The following IGSF3 variants were observed in gnomAD, a reference collection of about 807,000 sequenced individuals.
IGSF3 encodes glu-Trp-Ile EWI motif-containing protein 3.
IGSF3 carries 23 observed loss-of-function variants against 114.4 expected under a neutral mutation model. That is an observed-to-expected ratio of 0.20 (90% CI 0.14 to 0.28). The LOEUF (loss-of-function observed/expected upper bound fraction) is 0.28. IGSF3 is among the 10% of genes least tolerant of loss of function. The pLI, the probability that IGSF3 is intolerant of heterozygous loss-of-function variation, is 1.00. For missense variants in IGSF3, 1,172 were observed against 1,591.5 expected (o/e 0.74, Z 4.48); for synonymous variants, 571 against 645.2 (o/e 0.88, Z 1.74).
intron 7 of IGSF3, among the ~76,000 whole-genome samples, chr1:116,590,259 C>G (rs1366262098): frequency 6.6e-6 from 1 of 152,004 alleles, no homozygotes; most frequent in Non-Finnish European, 1.5e-5. Flanking sequence ...TGGCAAGAAG[C>G]CAAGGTCTAA....
In IGSF3 at chr1:116,584,250, T is replaced by C. The variant is rs1215281579; in HGVS notation, c.2848+395A>G. ...AGTGAAGGCTGCACACAATTCATTGTTTTCTATTTAAAGCATGTAAATCGA... is the reference window on the plus strand; with the variant it reads ...AGTGAAGGCTGCACACAATTCATTGCTTTCTATTTAAAGCATGTAAATCGA... On this transcript the variant is annotated intron_variant, in intron 9 of 10. Transcript: ENST00000369486. This position sits in a 1 kb window ranked among gnomAD's most constrained non-coding sequence, Gnocchi z 5.8. Among the ~76,000 whole-genome samples, 4 of 152,140 alleles carry C rather than the reference T, an allele frequency of 2.6e-5. No homozygotes were observed. Among genetic ancestry groups the C allele is most frequent in the Admixed American group, 2.6e-4 (4 of 15,278 alleles).
At chr1:116,646,801 T>C (rs1348181592) in intron 2 of IGSF3, 2 of 152,254 alleles carry the variant, frequency 1.3e-5, no homozygotes, top group Non-Finnish European at 2.9e-5. Flanking sequence ...TTTCAAGTGA[T>C]GCTAACTTGC....
rs1468736610 is a variant in IGSF3 at position 116,644,949 on chromosome 1, T to A, written c.43+21335A>T. On this transcript the variant is annotated intron_variant, in intron 2 of 10. Coordinates refer to ENST00000369486, the MANE Select transcript of IGSF3 (RefSeq NM_001007237.3). This position sits in a 1 kb window ranked among gnomAD's most constrained non-coding sequence, Gnocchi z 5.6. ...GGGAGGTAGGATGGTGCAGCCACTT[T>A]GGAAAACAGTCTGGTAGTTTCTTTC... 6.6e-6 allele frequency among the ~76,000 whole-genome samples: 1 copy of A among 152,182 alleles called. No individual in the cohort carries two copies. The highest frequency in any genetic ancestry group is 1.5e-5 in the Non-Finnish European group (1 of 68,030).
rs139816429 is a variant in IGSF3 at position 116,650,235 on chromosome 1, G to T, written c.43+16049C>A. On this transcript the variant is annotated intron_variant, in intron 2 of 10. Coordinates refer to ENST00000369486, the MANE Select transcript of IGSF3 (RefSeq NM_001007237.3). The surrounding 1 kb of genome is among the most constrained non-coding windows in gnomAD (Gnocchi z 5.0). Reference sequence around the variant, plus strand: ...CTTCAACAGTGAGGACAAAATGTATGGAGATTGGACTGTTCAGTCTTCAGG... The same window carrying T: ...CTTCAACAGTGAGGACAAAATGTATTGAGATTGGACTGTTCAGTCTTCAGG... Among the ~76,000 whole-genome samples the T allele has an allele frequency of 4.5e-4, 68 of 152,312 alleles. 1 individual carries two copies. The highest frequency in any genetic ancestry group is 1.6e-3 in the African/African-American group (65 of 41,558).
rs1030875309 is a variant in IGSF3, at chr1:116,633,525, C to T, written c.44-17068G>A. Among the ~76,000 whole-genome samples the T allele has an allele frequency of 2.0e-5, 3 of 152,082 alleles. No homozygotes were observed. Among genetic ancestry groups the T allele is most frequent in the African/African-American group, 7.2e-5 (3 of 41,386 alleles). On this transcript the variant is annotated intron_variant, in intron 2 of 10. Coordinates refer to ENST00000369486, the MANE Select transcript of IGSF3 (RefSeq NM_001007237.3). This position sits in a 1 kb window ranked among gnomAD's most constrained non-coding sequence, Gnocchi z 4.3. ...CCAGTATTGAAAGCCCCTGCATTTCCCTAACTATATATTCCCCTATGCCAT... is the reference window on the plus strand; with the variant it reads ...CCAGTATTGAAAGCCCCTGCATTTCTCTAACTATATATTCCCCTATGCCAT...
In IGSF3 at chr1:116,657,190, G is replaced by C. The variant is rs1276750011; in HGVS notation, c.43+9094C>G. On this transcript the variant is annotated intron_variant, in intron 2 of 10. Transcript: ENST00000369486. This position sits in a 1 kb window ranked among gnomAD's most constrained non-coding sequence, Gnocchi z 4.2. ...AAAAGGAATAGATTGTATCTGGCTGGGATAGGGTAGGTGTGATCTGACCCA... is the reference window on the plus strand; with the variant it reads ...AAAAGGAATAGATTGTATCTGGCTGCGATAGGGTAGGTGTGATCTGACCCA... 6.6e-6 allele frequency among the ~76,000 whole-genome samples: 1 copy of C among 152,132 alleles called. No individual in the cohort carries two copies. Among genetic ancestry groups the C allele is most frequent in the Non-Finnish European group, 1.5e-5 (1 of 68,024 alleles).
rs987979554 is a variant in IGSF3 at position 116,661,392 on chromosome 1, T to C, written c.43+4892A>G. 6.6e-6 allele frequency among the ~76,000 whole-genome samples: 1 copy of C among 152,242 alleles called. No homozygotes were observed. The highest frequency in any genetic ancestry group is 6.5e-5 in the Admixed American group (1 of 15,292). On this transcript the variant is annotated intron_variant, in intron 2 of 10. Coordinates refer to ENST00000369486, the MANE Select transcript of IGSF3 (RefSeq NM_001007237.3). The surrounding 1 kb of genome is among the most constrained non-coding windows in gnomAD (Gnocchi z 4.0). Reference sequence around the variant, plus strand: ...CATGACAGATGGTCTTCAAGAATTTTATACAGAAGGTCATGCTATGTAAAG... The same window carrying C: ...CATGACAGATGGTCTTCAAGAATTTCATACAGAAGGTCATGCTATGTAAAG...
At chr1:116,643,191 CT>C (rs1648185901) in intron 2 of IGSF3, among the ~76,000 whole-genome samples, 1 of 152,172 alleles carries the variant, frequency 6.6e-6, no homozygotes, top group Admixed American at 6.5e-5. Context: ...AGAAAGGAAA[CT>C]GCTATCAACC....
chr1:116,583,941 C>G lies in IGSF3; in HGVS notation c.2848+704G>C, dbSNP rs555055977. Among the ~76,000 whole-genome samples the G allele has an allele frequency of 6.6e-6, 1 of 152,298 alleles. No individual in the cohort carries two copies. Among genetic ancestry groups the G allele is most frequent in the South Asian group, 2.1e-4 (1 of 4,818 alleles). ...GTAGCTCACACCTGTAATCCCACCACTTTGAAAAGCCGAGGCGGTGGTGGG... is the reference window on the plus strand; with the variant it reads ...GTAGCTCACACCTGTAATCCCACCAGTTTGAAAAGCCGAGGCGGTGGTGGG... On this transcript the variant is annotated intron_variant, in intron 9 of 10. Transcript: ENST00000369486. This position sits in a 1 kb window ranked among gnomAD's most constrained non-coding sequence, Gnocchi z 4.5.
At position 116,606,461 on chromosome 1, in the gene IGSF3, T is replaced by A. The variant is rs559787792; in HGVS notation, c.1222+1481A>T. ...TCCAAGGCATTGTCACCATTACCGA[T>A]GTGATTGTTGTTGTTCTTCGGCAGA... On this transcript the variant is annotated intron_variant, in intron 5 of 10. Coordinates refer to ENST00000369486, the MANE Select transcript of IGSF3 (RefSeq NM_001007237.3). 3.1e-6 allele frequency: 5 copies of A among 1,612,506 alleles called. No individual in the cohort carries two copies. The East Asian group carries it at 6.7e-5, about 22-fold the overall frequency.
In IGSF3 at chr1:116,628,005, C is replaced by T. The variant is rs1261108391; in HGVS notation, c.44-11548G>A. Among the ~76,000 whole-genome samples, 1 of 152,206 alleles carries T rather than the reference C, an allele frequency of 6.6e-6. No individual in the cohort carries two copies. Among genetic ancestry groups the T allele is most frequent in the African/African-American group, 2.4e-5 (1 of 41,438 alleles). On this transcript the variant is annotated intron_variant, in intron 2 of 10. Coordinates refer to ENST00000369486, the MANE Select transcript of IGSF3 (RefSeq NM_001007237.3). This position sits in a 1 kb window ranked among gnomAD's most constrained non-coding sequence, Gnocchi z 4.2. The stretch of plus-strand genomic sequence containing the variant: ...ACTCTGCCCAAGGCACTGCTGTGAC[C>T]CTCTCAGCAGTGGAAGCACTAGCCA...
rs1191386394 is a variant in IGSF3 at position 116,665,051 on chromosome 1, C to A, written c.43+1233G>T. Among the ~76,000 whole-genome samples the A allele has an allele frequency of 6.6e-6, 1 of 152,222 alleles. No homozygotes were observed. Among genetic ancestry groups the A allele is most frequent in the East Asian group, 1.9e-4 (1 of 5,206 alleles). The stretch of plus-strand genomic sequence containing the variant: ...TATGAGTTTCAGACATTATTTAAGG[C>A]AGTCAAGGCATTTAGGACACCTTAT... On this transcript the variant is annotated intron_variant, in intron 2 of 10. Transcript: ENST00000369486. The surrounding 1 kb of genome is among the most constrained non-coding windows in gnomAD (Gnocchi z 4.0).
At position 116,616,987 on chromosome 1, in the gene IGSF3, C is replaced by T. The variant is rs1557873638; in HGVS notation, c.44-530G>A. On this transcript the variant is annotated intron_variant, in intron 2 of 10. Transcript: ENST00000369486. This position sits in a 1 kb window ranked among gnomAD's most constrained non-coding sequence, Gnocchi z 6.6. ...TTCCCATGTAGCTGCTCCCCAACAC[C>T]ACCCCAAGGGGCATTCCTTAGTTTC... is the stretch of plus-strand genomic sequence containing the variant. Among the ~76,000 whole-genome samples the T allele has an allele frequency of 6.6e-6, 1 of 152,152 alleles. No individual in the cohort carries two copies. Among genetic ancestry groups the T allele is most frequent in the Non-Finnish European group, 1.5e-5 (1 of 68,026 alleles).
At chr1:116,658,859 T>A (rs1648992512) in intron 2 of IGSF3, among the ~76,000 whole-genome samples, 1 of 152,198 alleles carries the variant, frequency 6.6e-6, no homozygotes, top group Non-Finnish European at 1.5e-5. Context: ...TGTCCTCCTG[T>A]CCATTTGCAA....
intron 10 of IGSF3, among the ~76,000 whole-genome samples, chr1:116,578,219 G>A (rs899509430): frequency 3.3e-5 from 5 of 152,184 alleles, no homozygotes; most frequent in Non-Finnish European, 7.3e-5. Context: ...GCCTCTGGGA[G>A]CCCCTGTTTT....
At chr1:116,656,743 C>G (rs966278298) in intron 2 of IGSF3, among the ~76,000 whole-genome samples, 9 of 152,100 alleles carry the variant, frequency 5.9e-5, no homozygotes, top group South Asian at 2.1e-4. Flanking sequence ...GACTGGCCAA[C>G]ATGGTGAAAC....
chr1:116,606,022 A>G (rs536237868), intron 5 of IGSF3, among the ~76,000 whole-genome samples: 2 of 152,378 alleles, frequency 1.3e-5, no homozygotes, highest in East Asian at 3.8e-4. Flanking sequence ...GGCAAAGGCA[A>G]CTACAGACCT....
chr1:116,612,108 G>T lies in IGSF3; in HGVS notation c.832+1657C>A, dbSNP rs1441733305. The stretch of plus-strand genomic sequence containing the variant: ...TTCAAAAAGTTCTAATTCCAAATTG[G>T]TAAGATTAAAATAAAGAAGATTAAC... On this transcript the variant is annotated intron_variant, in intron 4 of 10. Coordinates refer to ENST00000369486, the MANE Select transcript of IGSF3 (RefSeq NM_001007237.3). The surrounding 1 kb of genome is among the most constrained non-coding windows in gnomAD (Gnocchi z 4.1). Among the ~76,000 whole-genome samples, 4 of 151,990 alleles carry T rather than the reference G, an allele frequency of 2.6e-5. No homozygotes were observed. The East Asian group carries it at 7.7e-4, about 29-fold the overall frequency.
chr1:116,613,302 CATA>C (rs1429001535), intron 4 of IGSF3, among the ~76,000 whole-genome samples: 1 of 152,138 alleles, frequency 6.6e-6, no homozygotes, highest in Non-Finnish European at 1.5e-5. Context: ...TTCTCTAGTT[CATA>C]ATGTTAGACC....
Sources: gnomAD v4.1 joint callset for allele counts (sites outside exome capture counted in the v4.1 genomes callset) on GRCh38, gnomAD v4.1.1 for gene constraint, Gnocchi (gnomAD v3.1) non-coding constraint, MANE v1.5 for transcripts, NCBI Gene and HGNC (gene_info 2026-07-23, HGNC 2026-07-21) for gene names.